ICMT: variants seen among roughly 807,000 people sequenced by gnomAD.
ICMT encodes protein-S-isoprenylcysteine O-methyltransferase.
ICMT carries 10 observed loss-of-function variants against 32.2 expected under a neutral mutation model. That is an observed-to-expected ratio of 0.31 (90% CI 0.19 to 0.53). ICMT has a LOEUF of 0.53. Ranked by LOEUF, ICMT falls within the 20% of genes least tolerant of loss-of-function variation. The pLI, the probability that ICMT is intolerant of heterozygous loss-of-function variation, is 0.96. For missense variants in ICMT, 265 were observed against 356.9 expected (o/e 0.74, Z 2.07); for synonymous variants, 183 against 158.2 (o/e 1.16, Z -1.18).
intron 4 of ICMT, among the ~76,000 whole-genome samples, chr1:6,231,128 AC>A (rs1668729452): frequency 6.6e-6 from 1 of 151,666 alleles, no homozygotes; most frequent in Admixed American, 6.6e-5. Flanking sequence ...CCAAGATCGC[AC>A]CACTGCACTC....
At chr1:6,232,864 T>G (rs1470613294) in intron 3 of ICMT, among the ~76,000 whole-genome samples, 2 of 148,816 alleles carry the variant, frequency 1.3e-5, no homozygotes, top group Admixed American at 1.3e-4. Context: ...GTAAACTCTT[T>G]TTTTTTTTTT....
intron 2 of ICMT, chr1:6,234,530 G>T: frequency 2.1e-6 from 1 of 484,140 alleles, no homozygotes; most frequent in Non-Finnish European, 4.1e-6. Context: ...AATTAGAGAT[G>T]AAAAAGGCCC....
intron 3 of ICMT, among the ~76,000 whole-genome samples, chr1:6,232,844 G>A (rs909680779): frequency 6.7e-5 from 10 of 150,002 alleles, no homozygotes; most frequent in Non-Finnish European, 1.3e-4. Context: ...CACTGCACCC[G>A]ACCTTGTTAG....
At position 6,233,577 on chromosome 1, in the gene ICMT, T is replaced by C; in HGVS notation, c.351A>G (p.Lys117=). ...GGAGAAAGGAATCCAAGGACAGACT[T>C]TTGGGATTATTGACTGCTGTCACCA... ...EYLVTAVNNP[K]SLSLDSFLLN... The change falls in exon 3 of 5, where the codon AAA becomes AAG. Residue 117 remains lysine, a synonymous_variant. Coordinates refer to ENST00000343813, the MANE Select transcript of ICMT (RefSeq NM_012405.4). 6.2e-7 allele frequency: 1 copy of C among 1,614,000 alleles called. No homozygotes were observed. Among genetic ancestry groups the C allele is most frequent in the South Asian group, 1.1e-5 (1 of 91,078 alleles).
In ICMT at chr1:6,224,962, AG is replaced by A. The variant is rs1401117109; in HGVS notation, c.*117del. The A allele has an allele frequency of 4.3e-6, 4 of 941,126 alleles. No homozygotes were observed. Among genetic ancestry groups the A allele is most frequent in the Non-Finnish European group, 4.9e-6 (3 of 617,890 alleles). 58.3% of individuals were successfully genotyped at this position (941,126 alleles called of 1,614,324 possible). A position where few individuals can be genotyped will look rare whatever the true frequency, so the allele number is the denominator to read the frequency against. On this transcript the variant is annotated 3_prime_UTR_variant, in exon 5 of 5. Coordinates refer to ENST00000343813, the MANE Select transcript of ICMT (RefSeq NM_012405.4). ...GCTTGGTCTTGAGTGACATTCCAGA[AG>A]AGTGACTAATGACATAAAACGATTA...
chr1:6,223,978 C>G lies in ICMT; in HGVS notation c.*1102G>C, dbSNP rs562391346. 1.3e-5 allele frequency: 2 copies of G among 152,282 alleles called. No individual in the cohort carries two copies. The highest frequency in any genetic ancestry group is 4.1e-4 in the South Asian group (2 of 4,826). The allele number at this position is 152,282 out of a possible 1,614,324, so 9.4% of individuals were successfully genotyped here. On this transcript the variant is annotated 3_prime_UTR_variant, in exon 5 of 5. Coordinates refer to ENST00000343813, the MANE Select transcript of ICMT (RefSeq NM_012405.4). ...CAAACTTGCAAAACAAACATACTGA[C>G]TGAATCTTAGTTGGGACTATTTGCA... is the stretch of plus-strand genomic sequence containing the variant.
intron 1 of ICMT, 53 bp from the exon 2 acceptor site, chr1:6,235,027 C>T: frequency 1.4e-6 from 2 of 1,457,720 alleles, no homozygotes; most frequent in Non-Finnish European, 9.6e-7. Context: ...GAGTACAGAT[C>T]TGGGCTGCTG....
At chr1:6,229,775 A>T (rs846109) in intron 4 of ICMT, among the ~76,000 whole-genome samples, 1,674 of 109,904 alleles carry the variant, frequency 0.015, 19 homozygotes, top group Admixed American at 0.022. Context: ...ATACATAAAT[A>T]AAAAAAATAC....
At chr1:6,228,137 T>A (rs1326844449) in intron 4 of ICMT, among the ~76,000 whole-genome samples, 1 of 152,170 alleles carries the variant, frequency 6.6e-6, no homozygotes, top group Non-Finnish European at 1.5e-5. Context: ...TCATCTTTAA[T>A]ACACAAATAA....
At chr1:6,226,891 T>A (rs1012053596) in intron 4 of ICMT, among the ~76,000 whole-genome samples, 13 of 152,052 alleles carry the variant, frequency 8.5e-5, no homozygotes, top group African/African-American at 2.9e-4. Flanking sequence ...CACTTTAACA[T>A]GAGAGGAGAA....
At chr1:6,234,700 C>G (rs999255360) in intron 2 of ICMT, among the ~76,000 whole-genome samples, 186 bp downstream of exon 2, 2 of 152,144 alleles carry the variant, frequency 1.3e-5, no homozygotes, top group African/African-American at 4.8e-5. Context: ...ACAATCAACC[C>G]ACAGGCACGA....
At chr1:6,226,368 T>C (rs1001581478) in intron 4 of ICMT, among the ~76,000 whole-genome samples, 5 of 152,116 alleles carry the variant, frequency 3.3e-5, no homozygotes, top group African/African-American at 1.2e-4. Flanking sequence ...CATACCAGCC[T>C]GGGCGACAGA....
chr1:6,230,838 G>C (rs1017915239), intron 4 of ICMT, among the ~76,000 whole-genome samples: 4 of 146,590 alleles, frequency 2.7e-5, no homozygotes, highest in Non-Finnish European at 4.5e-5. Flanking sequence ...GCAGTGACCT[G>C]AGATCATGCC....
chr1:6,234,308 T>G, intron 2 of ICMT: 1 of 373,490 alleles, frequency 2.7e-6, no homozygotes, highest in South Asian at 2.0e-5. Flanking sequence ...AAAGGAGTGA[T>G]GTATGTCGGA....
Position 6,234,898 on chromosome 1 carries a change from C to T in ICMT, c.272G>A (p.Ser91Asn), listed in dbSNP as rs186824400. The change falls in exon 2 of 5, where the codon AGT (serine) becomes AAT (asparagine). Residue 91 changes from serine to asparagine, a missense_variant. Transcript: ENST00000343813. ...AAGGAATTCTTACCAGCCAAAGTGA[C>T]TCCAAGAAGACTGGCTAAAACTTAG... ...TLLSFSQSSWSHFGWYMCSLS... is the reference protein window; with the variant it reads ...TLLSFSQSSWNHFGWYMCSLS... The T allele has an allele frequency of 2.5e-6, 4 of 1,613,550 alleles. No individual in the cohort carries two copies. Among genetic ancestry groups the T allele is most frequent in the East Asian group, 4.5e-5 (2 of 44,880 alleles).
At chr1:6,233,448 C>T (rs188786127) in intron 3 of ICMT, 26 bp downstream of exon 3, 849 of 1,600,992 alleles carry the variant, frequency 5.3e-4, no homozygotes, top group Non-Finnish European at 5.7e-4. Flanking sequence ...TTTTCCCCTC[C>T]AGAGGGGGAC....
In ICMT at chr1:6,235,951, T is replaced by TAGCCCGGAGAAACGCGCCGGTTGC; in HGVS notation, c.-41_-40insGCAACCGGCGCGTTTCTCCGGGCT. The TAGCCCGGAGAAACGCGCCGGTTGC allele has an allele frequency of 9.7e-7, 1 of 1,026,546 alleles. No individual in the cohort carries two copies. The highest frequency in any genetic ancestry group is 1.2e-6 in the Non-Finnish European group (1 of 842,388). The allele number at this position is 1,026,546 out of a possible 1,614,324, so 63.6% of individuals were successfully genotyped here. A position where few individuals can be genotyped will look rare whatever the true frequency, so the allele number is the denominator to read the frequency against. On this transcript the variant is annotated 5_prime_UTR_variant, in exon 1 of 5. Transcript: ENST00000343813. Reference sequence around the variant, plus strand: ...GACTAGCGGGCGGCGGCGCCGGCTGTAGCCCGGAGAAACGCGCCGGCTGCG... The same window carrying TAGCCCGGAGAAACGCGCCGGTTGC: ...GACTAGCGGGCGGCGGCGCCGGCTGTAGCCCGGAGAAACGCGCCGGTTGCAGCCCGGAGAAACGCGCCGGCTGCG...
intron 2 of ICMT, among the ~76,000 whole-genome samples, chr1:6,233,894 G>A (rs1047128367): frequency 2.0e-5 from 3 of 152,168 alleles, no homozygotes; most frequent in African/African-American, 4.8e-5. Context: ...TGTCGCCCAG[G>A]CTGGAATGCA....
intron 1 of ICMT, 86 bp downstream of exon 1, chr1:6,235,631 G>A (rs983531730): frequency 7.4e-6 from 7 of 941,530 alleles, no homozygotes; most frequent in South Asian, 5.0e-5. Context: ...GGCCACTGCG[G>A]GCCCGGGGAG....
Sources: gnomAD v4.1 joint callset for allele counts (sites outside exome capture counted in the v4.1 genomes callset) on GRCh38, gnomAD v4.1.1 for gene constraint, MANE v1.5 for transcripts, NCBI Gene and HGNC (gene_info 2026-07-23, HGNC 2026-07-21) for gene names.